The following TIMELESS variants were observed in gnomAD, a reference collection of about 807,000 sequenced individuals.
The protein encoded by TIMELESS is timeless circadian regulator.
A neutral mutation model predicts 164.3 loss-of-function variants in TIMELESS; 124 were observed. The ratio of observed to expected loss-of-function variants is 0.75; its 90% CI spans 0.65 to 0.88. The LOEUF is 0.88. Ranked by LOEUF, TIMELESS falls within the 40% of genes least tolerant of loss-of-function variation. The probability of loss-of-function intolerance (pLI) is 0.00; values close to 1 mark genes in which losing one functional copy is unlikely to be tolerated. For missense variants in TIMELESS, 1,422 were observed against 1,491.4 expected (o/e 0.95, Z 0.77); for synonymous variants, 564 against 563.4 (o/e 1.00, Z -0.02).
intron 18 of TIMELESS, 110 bp from the exon 19 acceptor site, chr12:56,423,102 C>T (rs1448485439): frequency 2.4e-5 from 34 of 1,440,142 alleles, no homozygotes; most frequent in Non-Finnish European, 3.0e-5. Flanking sequence ...TCCTCACTCA[C>T]TCTCTTCTGT....
In TIMELESS at chr12:56,423,612, C is replaced by A. The variant is rs1365842704; in HGVS notation, c.2062G>T (p.Glu688Ter). 7.4e-6 allele frequency: 12 copies of A among 1,614,180 alleles called. No individual in the cohort carries two copies. Among genetic ancestry groups the A allele is most frequent in the Non-Finnish European group, 9.3e-6 (11 of 1,180,032 alleles). Reference sequence around the variant, plus strand: ...TTCAGGTAGTCCAGAAAATTAAATTCTTTCTCCGACACCTGGACCACTTGC... The same window carrying A: ...TTCAGGTAGTCCAGAAAATTAAATTATTTCTCCGACACCTGGACCACTTGC... ...ELQVVQVSEK[E>*]FNFLDYLKRF... Residue 688 changes from glutamate (E) to a stop codon, truncating the protein, a stop_gained, in exon 17 of 29, where the codon GAA becomes TAA. Coordinates refer to ENST00000553532, the MANE Select transcript of TIMELESS (RefSeq NM_003920.5). LOFTEE classifies it high-confidence loss of function.
intron 3 of TIMELESS, 37 bp downstream of exon 3, chr12:56,433,736 T>C (rs1186817381): frequency 6.2e-7 from 1 of 1,613,626 alleles, no homozygotes. Context: ...CACCAAAGCC[T>C]GGCAGGTGGC....
intron 9 of TIMELESS, 79 bp from the exon 10 acceptor site, chr12:56,430,360 G>GA: frequency 4.0e-6 from 6 of 1,503,644 alleles, no homozygotes; most frequent in Non-Finnish European, 5.4e-6. Flanking sequence ...TTTCTCAGAA[G>GA]AAACTAATTT....
At position 56,429,123 on chromosome 12, in the gene TIMELESS, A is replaced by G. The variant is rs763016320; in HGVS notation, c.1087-23T>C. 1.9e-6 allele frequency: 3 copies of G among 1,598,004 alleles called. No homozygotes were observed. The Admixed American group carries it at 5.2e-5, about 28-fold the overall frequency. On this transcript the variant is annotated intron_variant, in intron 10 of 28. Transcript: ENST00000553532. ...ATCCTGACATTTAAAAAAGAAAAAA[A>G]AAGATCACCATGACTCCAGGGCTTC...
At chr12:56,420,456 A>G in intron 26 of TIMELESS, 113 bp downstream of exon 26, 2 of 805,326 alleles carry the variant, frequency 2.5e-6, no homozygotes, top group Non-Finnish European at 2.0e-6. Context: ...AATGAGAAGG[A>G]CCAAGATGAC....
chr12:56,432,611 G>A, intron 6 of TIMELESS, 87 bp from the exon 7 acceptor site: 1 of 1,533,366 alleles, frequency 6.5e-7, no homozygotes, highest in East Asian at 2.3e-5. Context: ...CTTTGACCAA[G>A]CCTCCTCTCC....
At chr12:56,418,084 C>T in intron 27 of TIMELESS, 50 bp downstream of exon 27, 2 of 1,613,154 alleles carry the variant, frequency 1.2e-6, no homozygotes, top group Non-Finnish European at 8.5e-7. Context: ...GCCCTCTAGA[C>T]CAACATGGCT....
chr12:56,448,174 C>T (rs990961459), intron 1 of TIMELESS, among the ~76,000 whole-genome samples: 2 of 149,520 alleles, frequency 1.3e-5, no homozygotes, highest in African/African-American at 4.9e-5. Flanking sequence ...GGGAGGCCGA[C>T]GCGGGCGGAT....
chr12:56,438,273 G>A (rs1401030262), intron 1 of TIMELESS, among the ~76,000 whole-genome samples: 6 of 152,080 alleles, frequency 3.9e-5, no homozygotes, highest in Non-Finnish European at 8.8e-5. Context: ...ACAAACTCCC[G>A]ACCTCTGGTG....
chr12:56,429,545 AGGCT>A (rs1881800681), intron 10 of TIMELESS, among the ~76,000 whole-genome samples: 1 of 118,066 alleles, frequency 8.5e-6, no homozygotes, highest in Non-Finnish European at 1.6e-5. Context: ...TGTCATGATG[AGGCT>A]GGAGTGCACT....
At chr12:56,432,881 G>T (rs995429944) in intron 6 of TIMELESS, 145 bp downstream of exon 6, 11 of 649,788 alleles carry the variant, frequency 1.7e-5, no homozygotes, top group Non-Finnish European at 2.6e-5. Flanking sequence ...CGTGAACCCA[G>T]GAGACAGAGC....
Position 56,422,200 on chromosome 12 carries a change from T to A in TIMELESS, c.2439-9A>T, listed in dbSNP as rs1881520963. The A allele has an allele frequency of 6.2e-7, 1 of 1,613,018 alleles. No individual in the cohort carries two copies. On this transcript the variant is annotated splice_polypyrimidine_tract_variant and intron_variant, in intron 19 of 28. Transcript: ENST00000553532. Reference sequence around the variant, plus strand: ...CTCTGCGACTGGAAGACCTGAATGGTGAAAGGAGAAAGGGAGCATATAGGT... The same window carrying A: ...CTCTGCGACTGGAAGACCTGAATGGAGAAAGGAGAAAGGGAGCATATAGGT...
chr12:56,425,517 A>T (rs535800937), intron 13 of TIMELESS, among the ~76,000 whole-genome samples: 20 of 152,332 alleles, frequency 1.3e-4, no homozygotes, highest in African/African-American at 4.8e-4. Flanking sequence ...ATCAAATAAG[A>T]CACATGGAAA....
chr12:56,431,563 A>G lies in TIMELESS; in HGVS notation c.729T>C (p.Ala243=), dbSNP rs1032756144. 6.2e-7 allele frequency: 1 copy of G among 1,613,698 alleles called. No homozygotes were observed. The highest frequency in any genetic ancestry group is 8.5e-7 in the Non-Finnish European group (1 of 1,179,924). The change falls in exon 8 of 29, where the codon GCT becomes GCC. Residue 243 remains alanine, a synonymous_variant. Transcript: ENST00000553532. ...QLAGVGQGRL[A]QERSADFAEL... Reference sequence around the variant, plus strand: ...CTGCAAAATCTGCACTCCGCTCCTGAGCTAAGCGTCCCTGCCCTACTCCCG... The same window carrying G: ...CTGCAAAATCTGCACTCCGCTCCTGGGCTAAGCGTCCCTGCCCTACTCCCG...
Position 56,417,739 on chromosome 12 carries a change from T to C in TIMELESS, c.3604A>G (p.Ile1202Val). The change falls in exon 29 of 29, where the codon ATT (isoleucine) becomes GTT (valine). Residue 1202 changes from isoleucine to valine, a missense_variant. Ile to Val is a conservative substitution (Grantham distance 29). Transcript: ENST00000553532. Reference sequence around the variant, plus strand: ...CTTCAGTCATCCTCATCATCCTCAATCTGGTATCGTTTCTTCTTTTGGATT... The same window carrying C: ...CTTCAGTCATCCTCATCATCCTCAACCTGGTATCGTTTCTTCTTTTGGATT... Reference protein sequence around the residue: ...PGIQKKKRYQIEDDEDD With the variant: ...PGIQKKKRYQVEDDEDD The C allele has an allele frequency of 6.2e-7, 1 of 1,614,192 alleles. No individual in the cohort carries two copies. The highest frequency in any genetic ancestry group is 8.5e-7 in the Non-Finnish European group (1 of 1,180,028).
At chr12:56,439,391 C>CTTTT (rs67588306) in intron 1 of TIMELESS, among the ~76,000 whole-genome samples, 6 of 136,416 alleles carry the variant, frequency 4.4e-5, no homozygotes, top group Non-Finnish European at 6.3e-5. Flanking sequence ...CAGGGGTTTT[C>CTTTT]TTTTTTTTTT....
chr12:56,419,937 G>A (rs1343885303), intron 26 of TIMELESS, among the ~76,000 whole-genome samples: 4 of 139,556 alleles, frequency 2.9e-5, no homozygotes, highest in African/African-American at 1.1e-4. Flanking sequence ...AGTCTGGGAG[G>A]TTGAGGCGAC....
At position 56,449,403 on chromosome 12, in the gene TIMELESS, C is replaced by G. The variant is rs113285406; in HGVS notation, c.-155G>C. The stretch of plus-strand genomic sequence containing the variant: ...CGCCACCAGGCTCAGCTGGACCGGT[C>G]CCCGCCTGCGCGAAGAGCGAGGCGG... On this transcript the variant is annotated 5_prime_UTR_variant, in exon 1 of 29. Transcript: ENST00000553532. 1 of 152,160 alleles carries G rather than the reference C, an allele frequency of 6.6e-6. No homozygotes were observed. Among genetic ancestry groups the G allele is most frequent in the African/African-American group, 2.4e-5 (1 of 41,474 alleles). 9.4% of individuals were successfully genotyped at this position (152,160 alleles called of 1,614,324 possible).
At position 56,426,619 on chromosome 12, in the gene TIMELESS, G is replaced by A. The variant is rs1881687035; in HGVS notation, c.1579-1467C>T. Among the ~76,000 whole-genome samples the A allele has an allele frequency of 2.0e-5, 3 of 151,976 alleles. No homozygotes were observed. The South Asian group carries it at 6.2e-4, about 32-fold the overall frequency. On this transcript the variant is annotated intron_variant, in intron 13 of 28. Transcript: ENST00000553532. ...CTGTTGCCCAGGCTGGAGTGCAATG[G>A]CATGATCTTGGCTCACTGCAACCTC...
Sources: allele counts gnomAD v4.1 joint callset (sites outside exome capture counted in the v4.1 genomes callset), GRCh38; gene constraint gnomAD v4.1.1; transcripts MANE v1.5; gene names NCBI Gene and HGNC (gene_info 2026-07-23, HGNC 2026-07-21).